Variants in SLC7A10 observed in about 807,000 individuals in gnomAD.
SLC7A10 encodes the protein asc-type amino acid transporter 1.
A neutral mutation model predicts 52.7 loss-of-function variants in SLC7A10; 30 were observed. The ratio of observed to expected loss-of-function variants is 0.57; its 90% confidence interval spans 0.43 to 0.77. SLC7A10 has a LOEUF of 0.77. Ranked by LOEUF, SLC7A10 falls within the 30% of genes least tolerant of loss-of-function variation. SLC7A10 has a pLI of 0.00. For synonymous variants in SLC7A10, 318 were observed against 314.9 expected (o/e 1.01, Z -0.10); for missense variants, 581 against 698.5 (o/e 0.83, Z 1.90).
intron 2 of SLC7A10, among the ~76,000 whole-genome samples, chr19:33,214,862 T>C (rs1054464052): frequency 1.3e-5 from 2 of 152,246 alleles, no homozygotes; most frequent in Non-Finnish European, 2.9e-5. Context: ...TGTGAGCAGC[T>C]TGAGTACAGG....
chr19:33,217,156 T>C (rs373184629), intron 1 of SLC7A10, among the ~76,000 whole-genome samples: 19 of 151,408 alleles, frequency 1.3e-4, no homozygotes, highest in Middle Eastern at 3.4e-3. Context: ...GGATTACAGG[T>C]GAGTGCCACC....
intron 5 of SLC7A10, chr19:33,212,039 C>T (rs941042128): frequency 1.7e-5 from 10 of 592,870 alleles, no homozygotes; most frequent in Admixed American, 3.0e-5. Context: ...GATCTATTTA[C>T]AGCAGGATGA....
rs201857989 is a variant in SLC7A10 at position 33,211,572 on chromosome 19, T to C, written c.789-35A>G. On this transcript the variant is annotated intron_variant, in intron 5 of 10. Coordinates refer to ENST00000253188, the MANE Select transcript of SLC7A10 (RefSeq NM_019849.3). ...GGCAGTGGAGTGCGTCAGCGTCAGC[T>C]CCTGAGGGTGCAGGACCCCCGAGAC... is the stretch of plus-strand genomic sequence containing the variant. The C allele has an allele frequency of 2.6e-4, 418 of 1,613,492 alleles. 3 individuals are homozygous for C. Among genetic ancestry groups the C allele is most frequent in the Non-Finnish European group, 3.1e-4 (360 of 1,179,976 alleles).
chr19:33,211,051 C>T (rs750740777), intron 7 of SLC7A10, 153 bp from the exon 8 acceptor site: 42 of 968,968 alleles, frequency 4.3e-5, no homozygotes, highest in Non-Finnish European at 6.3e-5. Flanking sequence ...CTGCCTCTTG[C>T]TTTCTTTGCC....
intron 2 of SLC7A10, among the ~76,000 whole-genome samples, chr19:33,214,870 A>G (rs1974634610): frequency 6.6e-6 from 1 of 152,210 alleles, no homozygotes; most frequent in Admixed American, 6.5e-5. Flanking sequence ...GCTTGAGTAC[A>G]GGGACAGACC....
intron 7 of SLC7A10, 138 bp from the exon 8 acceptor site, chr19:33,211,036 C>G (rs1337868581): frequency 1.0e-6 from 1 of 989,730 alleles, no homozygotes; most frequent in Non-Finnish European, 1.6e-6. Flanking sequence ...CCTCATCCAG[C>G]CTGCCTGCCT....
intron 1 of SLC7A10, among the ~76,000 whole-genome samples, chr19:33,218,977 AG>A (rs1256885388): frequency 2.0e-5 from 3 of 151,694 alleles, no homozygotes; most frequent in African/African-American, 7.3e-5. Context: ...CCTGGTTTAG[AG>A]GGGCAGGAAC....
intron 2 of SLC7A10, among the ~76,000 whole-genome samples, chr19:33,214,350 C>T (rs1028617634): frequency 6.6e-6 from 1 of 152,162 alleles, no homozygotes; most frequent in African/African-American, 2.4e-5. Flanking sequence ...GAGCCCCAGA[C>T]CATCTAGGAG....
intron 1 of SLC7A10, among the ~76,000 whole-genome samples, chr19:33,217,278 C>T (rs999908299): frequency 2.0e-5 from 3 of 152,126 alleles, no homozygotes; most frequent in Non-Finnish European, 2.9e-5. Flanking sequence ...TCCCGAAGTG[C>T]TGGGATTACA....
chr19:33,218,078 G>A (rs534043177), intron 1 of SLC7A10, among the ~76,000 whole-genome samples: 198 of 152,324 alleles, frequency 1.3e-3, no homozygotes, highest in African/African-American at 4.7e-3. Context: ...CAGGGAGGTT[G>A]GAAGCCAGCG....
chr19:33,210,808 G>A lies in SLC7A10; in HGVS notation c.1107C>T (p.Leu369=), dbSNP rs771119472. The change falls in exon 8 of 11, where the codon CTC becomes CTT. Residue 369 remains leucine (L), a synonymous_variant. Coordinates refer to ENST00000253188, the MANE Select transcript of SLC7A10 (RefSeq NM_019849.3). This position sits in a 1 kb window ranked among gnomAD's most constrained non-coding sequence, Gnocchi z 5.6. ...VRHCTPIPAL[L]VCCGATAVIM... ...CCCAGGTCCCCCAACTTACACAGAC[G>A]AGGAGGGCGGGGATGGGGGTGCAGT... is the stretch of plus-strand genomic sequence containing the variant. 8 of 1,613,476 alleles carry A rather than the reference G, an allele frequency of 5.0e-6. No individual in the cohort carries two copies. In the Middle Eastern group the frequency reaches 6.6e-4, roughly 133 times the overall value.
At chr19:33,215,267 C>CAAA (rs56214783) in intron 2 of SLC7A10, among the ~76,000 whole-genome samples, 4 of 115,620 alleles carry the variant, frequency 3.5e-5, no homozygotes, top group African/African-American at 1.0e-4. Flanking sequence ...GACTCTGTCT[C>CAAA]AAAAAAAAAA....
intron 9 of SLC7A10, among the ~76,000 whole-genome samples, chr19:33,209,985 G>A (rs1974506369): frequency 6.7e-6 from 1 of 149,716 alleles, no homozygotes; most frequent in Admixed American, 6.7e-5. Flanking sequence ...CTGTCACCCA[G>A]GTTGGAGTAC....
chr19:33,210,423 C>T lies in SLC7A10; in HGVS notation c.1263+44G>A, dbSNP rs367871030. 31 of 1,544,662 alleles carry T rather than the reference C, an allele frequency of 2.0e-5. No individual in the cohort carries two copies. The African/African-American group carries it at 4.2e-4, about 21-fold the overall frequency. ...GTGCCCACTGTGGATGCAGGGGTGGCTCTGGCAGCACCCGGCACAGGGCCA... is the reference window on the plus strand; with the variant it reads ...GTGCCCACTGTGGATGCAGGGGTGGTTCTGGCAGCACCCGGCACAGGGCCA... On this transcript the variant is annotated intron_variant, in intron 9 of 10. Transcript: ENST00000253188. This position sits in a 1 kb window ranked among gnomAD's most constrained non-coding sequence, Gnocchi z 5.6.
rs1191933875 is a variant in SLC7A10, at chr19:33,212,833, G to A, written c.508+18C>T. The stretch of plus-strand genomic sequence containing the variant: ...CAGGTGGCTGATCTGGGGACAGTGG[G>A]CCAAAGGGGATGCTTACTCAGGCAG... On this transcript the variant is annotated intron_variant, in intron 3 of 10. Coordinates refer to ENST00000253188, the MANE Select transcript of SLC7A10 (RefSeq NM_019849.3). 1 of 1,612,872 alleles carries A rather than the reference G, an allele frequency of 6.2e-7. No homozygotes were observed. Among genetic ancestry groups the A allele is most frequent in the South Asian group, 1.1e-5 (1 of 90,988 alleles).
At chr19:33,213,102 CG>C (rs1384632675) in intron 2 of SLC7A10, 100 bp from the exon 3 acceptor site, 31 of 1,507,054 alleles carry the variant, frequency 2.1e-5, no homozygotes, top group Non-Finnish European at 2.5e-5. Flanking sequence ...GCCTGGCGCC[CG>C]GGGGCTGGCG....
chr19:33,216,732 G>A lies in SLC7A10; in HGVS notation c.152-759C>T, dbSNP rs146831400. 6.9e-3 allele frequency among the ~76,000 whole-genome samples: 1,049 copies of A among 151,852 alleles called. 10 individuals are homozygous for A. The highest frequency in any genetic ancestry group is 0.014 in the East Asian group (71 of 5,154). ...TAGAATTACAGGCATGAGCCACCAC[G>A]CCTGGCTAATATTTTTTGTACTTTT... On this transcript the variant is annotated intron_variant, in intron 1 of 10. Coordinates refer to ENST00000253188, the MANE Select transcript of SLC7A10 (RefSeq NM_019849.3).
At chr19:33,211,593 G>C in intron 5 of SLC7A10, 56 bp from the exon 6 acceptor site, 2 of 1,612,644 alleles carry the variant, frequency 1.2e-6, no homozygotes, top group South Asian at 1.1e-5. Flanking sequence ...CAGGACCCCC[G>C]AGACCCAGCC....
chr19:33,208,765 G>A lies in SLC7A10; in HGVS notation c.*126C>T, dbSNP rs1028685135. The A allele has an allele frequency of 7.6e-7, 1 of 1,318,982 alleles. No individual in the cohort carries two copies. Among genetic ancestry groups the A allele is most frequent in the East Asian group, 2.4e-5 (1 of 41,240 alleles). 81.7% of individuals were successfully genotyped at this position (1,318,982 alleles called of 1,614,324 possible). On this transcript the variant is annotated 3_prime_UTR_variant, in exon 11 of 11. Transcript: ENST00000253188. This position sits in a 1 kb window ranked among gnomAD's most constrained non-coding sequence, Gnocchi z 4.7. ...CACATTTTAGGGCTTCCTTAAACAGGCTTCTGAGAGTCGTATCTTTTTTCT... is the reference window on the plus strand; with the variant it reads ...CACATTTTAGGGCTTCCTTAAACAGACTTCTGAGAGTCGTATCTTTTTTCT...
Sources: gnomAD v4.1 joint callset for allele counts (sites outside exome capture counted in the v4.1 genomes callset) on GRCh38, gnomAD v4.1.1 for gene constraint, Gnocchi (gnomAD v3.1) non-coding constraint, MANE v1.5 for transcripts, NCBI Gene and HGNC (gene_info 2026-07-23, HGNC 2026-07-21) for gene names.